Variants in ITCH observed in about 807,000 individuals in gnomAD.
ITCH encodes E3 ubiquitin-protein ligase Itchy homolog.
A neutral mutation model predicts 126.8 loss-of-function variants in ITCH; 28 were observed. The ratio of observed to expected loss-of-function variants is 0.22; its 90% CI spans 0.16 to 0.30. The LOEUF (loss-of-function observed/expected upper bound fraction) is 0.30, where lower values mean the gene tolerates loss of function less well. ITCH is among the 10% of genes least tolerant of loss of function. The pLI, the probability that ITCH is intolerant of heterozygous loss-of-function variation, is 1.00. For synonymous variants in ITCH, 342 were observed against 340.0 expected, an observed-to-expected ratio of 1.01 and a Z score of -0.06; for missense variants, 631 against 1,032.4, an observed-to-expected ratio of 0.61 and a Z score of 5.33.
intron 6 of ITCH, among the ~76,000 whole-genome samples, chr20:34,423,624 C>T (rs1198830705): frequency 4.6e-5 from 7 of 151,820 alleles, no homozygotes; most frequent in Non-Finnish European, 7.4e-5. Context: ...TTTTTTGAGA[C>T]GGGAGTTTTG....
At chr20:34,405,809 A>G (rs1355983213) in intron 3 of ITCH, among the ~76,000 whole-genome samples, 1 of 152,058 alleles carries the variant, frequency 6.6e-6, no homozygotes, top group East Asian at 1.9e-4. Context: ...TTTTTAATAG[A>G]GATGAGGTCT....
At chr20:34,396,034 TA>T (rs760506875) in intron 3 of ITCH, among the ~76,000 whole-genome samples, 2,667 of 148,228 alleles carry the variant, frequency 0.018, 78 homozygotes, top group African/African-American at 0.064. Flanking sequence ...TTATTATTAT[TA>T]TTTTTTTTTT....
chr20:34,424,624 G>T, intron 7 of ITCH, 99 bp downstream of exon 7: 1 of 988,212 alleles, frequency 1.0e-6, no homozygotes, highest in Non-Finnish European at 1.6e-6. Flanking sequence ...AAGAATAAAT[G>T]AGTGTCAGAA....
intron 14 of ITCH, among the ~76,000 whole-genome samples, chr20:34,464,573 C>T (rs1212107663): frequency 3.9e-5 from 6 of 152,118 alleles, no homozygotes; most frequent in South Asian, 2.1e-4. Flanking sequence ...GTGATCCGCC[C>T]GCCTCAGCCT....
chr20:34,388,285 A>G (rs1041596308), intron 2 of ITCH, among the ~76,000 whole-genome samples: 1 of 151,500 alleles, frequency 6.6e-6, no homozygotes, highest in African/African-American at 2.4e-5. Context: ...TTTTGTAGAG[A>G]TGGGAGTCTC....
intron 1 of ITCH, among the ~76,000 whole-genome samples, chr20:34,364,103 A>G (rs1176738760): frequency 1.3e-5 from 2 of 152,216 alleles, no homozygotes; most frequent in Non-Finnish European, 2.9e-5. Flanking sequence ...CAAGTTTTCC[A>G]AGACAGTTCC....
At chr20:34,474,859 CG>C (rs1161847750) in intron 16 of ITCH, among the ~76,000 whole-genome samples, 5 of 151,796 alleles carry the variant, frequency 3.3e-5, no homozygotes, top group African/African-American at 4.8e-5. Context: ...ACTTCCCAGA[CG>C]GGGCGGCTGC....
chr20:34,394,954 A>G (rs1435496144), intron 3 of ITCH, among the ~76,000 whole-genome samples: 2 of 151,938 alleles, frequency 1.3e-5, no homozygotes, highest in African/African-American at 4.8e-5. Flanking sequence ...TCAGTCAGCC[A>G]GGCACGGTGG....
intron 3 of ITCH, among the ~76,000 whole-genome samples, chr20:34,403,600 T>C (rs1367695937): frequency 6.6e-6 from 1 of 152,178 alleles, no homozygotes; most frequent in East Asian, 1.9e-4. Flanking sequence ...TGGCTATATC[T>C]GTGCAATCAA....
intron 4 of ITCH, among the ~76,000 whole-genome samples, chr20:34,410,433 C>T (rs997224594): frequency 8.6e-5 from 13 of 150,650 alleles, no homozygotes; most frequent in African/African-American, 2.4e-4. Context: ...CCGTATCATT[C>T]GGATGTTCCT....
At chr20:34,400,329 AGTGTT>A (rs1347822429) in intron 3 of ITCH, among the ~76,000 whole-genome samples, 1 of 152,096 alleles carries the variant, frequency 6.6e-6, no homozygotes, top group Non-Finnish European at 1.5e-5. Context: ...CCTTTCCATA[AGTGTT>A]GGAATTATAG....
intron 14 of ITCH, among the ~76,000 whole-genome samples, chr20:34,468,777 C>G (rs568718784): frequency 2.2e-5 from 3 of 137,512 alleles, no homozygotes; most frequent in African/African-American, 8.2e-5. Context: ...GGAGACAGAG[C>G]AAGACTCCAT....
chr20:34,418,657 G>A (rs1980294024), intron 6 of ITCH, among the ~76,000 whole-genome samples: 1 of 151,094 alleles, frequency 6.6e-6, no homozygotes, highest in Non-Finnish European at 1.5e-5. Flanking sequence ...TTAAAAATTT[G>A]ACTTACATTT....
At chr20:34,368,385 G>C (rs2037497088) in intron 1 of ITCH, among the ~76,000 whole-genome samples, 1 of 150,232 alleles carries the variant, frequency 6.7e-6, no homozygotes, top group Non-Finnish European at 1.5e-5. Context: ...TTGGACATTG[G>C]TTTCCTTTAT....
chr20:34,484,454 TGTA>T (rs1474089140), intron 20 of ITCH, among the ~76,000 whole-genome samples: 1 of 152,238 alleles, frequency 6.6e-6, no homozygotes, highest in African/African-American at 2.4e-5. Flanking sequence ...GCTTTTAAAA[TGTA>T]GTCAATTCGT....
At chr20:34,438,980 G>A (rs571753454) in intron 8 of ITCH, among the ~76,000 whole-genome samples, 7 of 152,216 alleles carry the variant, frequency 4.6e-5, no homozygotes, top group African/African-American at 1.7e-4. Context: ...CTTATTCCTA[G>A]TATATCCTTT....
intron 20 of ITCH, among the ~76,000 whole-genome samples, chr20:34,487,934 C>T (rs760238214): frequency 4.6e-5 from 7 of 151,950 alleles, no homozygotes; most frequent in Non-Finnish European, 7.4e-5. Context: ...AGCGAGACTT[C>T]GTCTCAAAAA....
rs192879815 is a variant in ITCH, at chr20:34,484,259, A to G, written c.2093+3053A>G. Among the ~76,000 whole-genome samples, 8 of 152,318 alleles carry G rather than the reference A, an allele frequency of 5.3e-5. No individual in the cohort carries two copies. In the East Asian group the frequency reaches 1.5e-3, roughly 29 times the overall value. On this transcript the variant is annotated intron_variant, in intron 20 of 24. Coordinates refer to ENST00000374864, the MANE Select transcript of ITCH (RefSeq NM_031483.7). ...AGTCTCAAGAGCTAATAGTTCATTC[A>G]TACCTTCTCAATAGCAATTCTTTCC... is the stretch of plus-strand genomic sequence containing the variant.
At chr20:34,379,936 C>T (rs2037994443) in intron 2 of ITCH, among the ~76,000 whole-genome samples, 1 of 119,130 alleles carries the variant, frequency 8.4e-6, no homozygotes, top group African/African-American at 3.2e-5. Context: ...CTCGCTCTGT[C>T]ACCAAGCTGG....
Sources: allele counts gnomAD v4.1 joint callset (sites outside exome capture counted in the v4.1 genomes callset), GRCh38; gene constraint gnomAD v4.1.1; transcripts MANE v1.5; gene names NCBI Gene and HGNC (gene_info 2026-07-23, HGNC 2026-07-21).